Variants in CRB1 observed in about 807,000 individuals in gnomAD.
CRB1 encodes crumbs cell polarity complex component 1, also known as protein crumbs homolog 1.
In CRB1, 83 loss-of-function variants were observed where a neutral mutation model predicts 120.0. The ratio of observed to expected loss-of-function variants is 0.69; its 90% CI spans 0.58 to 0.83. The LOEUF is 0.83. Ranked by LOEUF, CRB1 falls within the 40% of genes least tolerant of loss-of-function variation. The pLI, the probability that CRB1 is intolerant of heterozygous loss-of-function variation, is 0.00. For missense variants in CRB1, 1,699 were observed against 1,687.6 expected (o/e 1.01, Z -0.12); for synonymous variants, 625 against 612.5 (o/e 1.02, Z -0.30).
intron 5 of CRB1, among the ~76,000 whole-genome samples, chr1:197,379,055 A>G (rs1661798503): frequency 6.6e-6 from 1 of 152,194 alleles, no homozygotes; most frequent in Non-Finnish European, 1.5e-5. Flanking sequence ...ATCCTTGCAA[A>G]GAAAAAAGAT....
chr1:197,361,159 A>C (rs1660747539), intron 5 of CRB1, among the ~76,000 whole-genome samples: 2 of 151,010 alleles, frequency 1.3e-5, no homozygotes, highest in Admixed American at 1.3e-4. Flanking sequence ...TTTTGCTTCT[A>C]AGTTCATGAA....
rs180922263 is a variant in CRB1 at position 197,460,697 on chromosome 1, C to A, written c.4006-16967C>A. Among the ~76,000 whole-genome samples the A allele has an allele frequency of 3.9e-5, 6 of 152,194 alleles. No individual in the cohort carries two copies. In the East Asian group the frequency reaches 1.2e-3, roughly 29 times the overall value. Reference sequence around the variant, plus strand: ...TTTAACCTCAAATCCTCATTTTTTTCTCCAGTGTATAATTTTGGTTTTCTG... The same window carrying A: ...TTTAACCTCAAATCCTCATTTTTTTATCCAGTGTATAATTTTGGTTTTCTG... On this transcript the variant is annotated intron_variant, in intron 11 of 11. Coordinates refer to ENST00000367400, the MANE Select transcript of CRB1 (RefSeq NM_201253.3).
intron 11 of CRB1, among the ~76,000 whole-genome samples, chr1:197,474,485 C>T (rs560114060): frequency 6.6e-6 from 1 of 152,252 alleles, no homozygotes; most frequent in South Asian, 2.1e-4. Context: ...GGACTTGGTT[C>T]CTCAGGAGTC....
At chr1:197,405,771 A>G (rs1439215782) in intron 5 of CRB1, among the ~76,000 whole-genome samples, 17 of 148,144 alleles carry the variant, frequency 1.1e-4, no homozygotes, top group African/African-American at 4.3e-4. Flanking sequence ...CAACCGCCCC[A>G]TCTGAGAAGT....
Position 197,427,586 on chromosome 1 carries a change from C to T in CRB1, c.2261C>T (p.Ala754Val), listed in dbSNP as rs764359208. The change falls in exon 7 of 12, where the codon GCT (alanine) becomes GTT (valine). Residue 754 changes from alanine to valine, a missense_variant. Ala to Val is a moderately conservative substitution (Grantham distance 64). Transcript: ENST00000367400. ...CTTCAACCATCAGGCTTACTTCTAG[C>T]TTTGGAAAACAGCACTTATCAATAT... ...RTLQPSGLLL[A>V]LENSTYQYIR... is the part of the protein sequence containing the mutation. 1.2e-6 allele frequency: 2 copies of T among 1,613,838 alleles called. No individual in the cohort carries two copies. The highest frequency in any genetic ancestry group is 1.7e-6 in the Non-Finnish European group (2 of 1,179,968).
the CRB1 span, among the ~76,000 whole-genome samples, chr1:197,209,379 C>G: frequency 2.4e-3 from 358 of 152,156 alleles, no homozygotes; most frequent in Admixed American, 4.0e-3. Flanking sequence ...GAGTCTCGCT[C>G]TGTTGCCCAG....
the CRB1 span, among the ~76,000 whole-genome samples, chr1:197,239,142 C>T: frequency 2.0e-4 from 30 of 151,966 alleles, no homozygotes; most frequent in Admixed American, 8.5e-4. Context: ...AGGTTATAGT[C>T]TATCCGGGTA....
chr1:197,452,628 A>T (rs1348354029), intron 11 of CRB1, among the ~76,000 whole-genome samples: 1 of 152,170 alleles, frequency 6.6e-6, no homozygotes, highest in Admixed American at 6.5e-5. Flanking sequence ...AGGGCTAGTT[A>T]CCTGCCCCAG....
chr1:197,433,520 T>C (rs140784567), intron 8 of CRB1, among the ~76,000 whole-genome samples: 2,114 of 152,080 alleles, frequency 0.014, 44 homozygotes, highest in Non-Finnish European at 0.015. Context: ...GAGTGGCATA[T>C]ATAAAAGAGA....
intron 11 of CRB1, among the ~76,000 whole-genome samples, chr1:197,461,248 C>A (rs1666517355): frequency 6.6e-6 from 1 of 152,220 alleles, no homozygotes; most frequent in South Asian, 2.1e-4. Context: ...GTGAGGTGAG[C>A]TGAAGAGGAT....
chr1:197,206,351 C>A, the CRB1 span, among the ~76,000 whole-genome samples: 1 of 152,026 alleles, frequency 6.6e-6, no homozygotes. Context: ...CATAGATTGT[C>A]TATTTGTGCT....
intron 5 of CRB1, among the ~76,000 whole-genome samples, chr1:197,404,873 T>C (rs1663260397): frequency 6.6e-6 from 1 of 152,212 alleles, no homozygotes; most frequent in Admixed American, 6.5e-5. Context: ...CACTGTCTAA[T>C]TCTGTGACTT....
At chr1:197,262,976 G>A in the CRB1 span, among the ~76,000 whole-genome samples, 459 of 152,212 alleles carry the variant, frequency 3.0e-3, 1 homozygote, top group African/African-American at 0.011. Flanking sequence ...TATGAATAGC[G>A]CTGTAATGAA....
At chr1:197,336,240 A>G (rs1404903398) in intron 2 of CRB1, among the ~76,000 whole-genome samples, 1 of 152,260 alleles carries the variant, frequency 6.6e-6, no homozygotes, top group African/African-American at 2.4e-5. Context: ...AGTGGCACAT[A>G]TCAAAGACAT....
chr1:197,339,228 C>G (rs1659322006), intron 2 of CRB1, among the ~76,000 whole-genome samples: 1 of 152,152 alleles, frequency 6.6e-6, no homozygotes, highest in African/African-American at 2.4e-5. Context: ...TGTTATTAAT[C>G]AGAGCAGGAA....
At chr1:197,341,002 C>T (rs1430481490) in intron 2 of CRB1, among the ~76,000 whole-genome samples, 2 of 152,088 alleles carry the variant, frequency 1.3e-5, no homozygotes, top group East Asian at 1.9e-4. Context: ...AAAGAGAGAG[C>T]TTGTGCAGGG....
At chr1:197,405,851 G>A (rs891951289) in intron 5 of CRB1, among the ~76,000 whole-genome samples, 16 of 151,962 alleles carry the variant, frequency 1.1e-4, no homozygotes, top group South Asian at 2.1e-4. Flanking sequence ...CAGCCACCCC[G>A]TCTGGGAAGT....
intron 1 of CRB1, among the ~76,000 whole-genome samples, chr1:197,292,859 A>G (rs946910668): frequency 4.6e-5 from 7 of 152,124 alleles, no homozygotes; most frequent in Non-Finnish European, 1.0e-4. Flanking sequence ...AAAATTCAAC[A>G]GCACTTCATG....
chr1:197,387,726 A>T (rs1309884211), intron 5 of CRB1, among the ~76,000 whole-genome samples: 1 of 152,080 alleles, frequency 6.6e-6, no homozygotes. Flanking sequence ...TTACATGAAT[A>T]CAAGAGCCTT....
Sources: gnomAD v4.1 joint callset for allele counts (sites outside exome capture counted in the v4.1 genomes callset) on GRCh38, gnomAD v4.1.1 for gene constraint, MANE v1.5 for transcripts, NCBI Gene and HGNC (gene_info 2026-07-23, HGNC 2026-07-21) for gene names.